Variants in LCORL observed in about 807,000 individuals in gnomAD.
LCORL encodes the protein ligand-dependent nuclear receptor corepressor-like protein.
In LCORL, 41 loss-of-function variants were observed where a neutral mutation model predicts 141.8. The ratio of observed to expected loss-of-function variants is 0.29; its 90% CI spans 0.23 to 0.38. The LOEUF is 0.38. Ranked by LOEUF, LCORL falls within the 10% of genes least tolerant of loss-of-function variation. The probability of loss-of-function intolerance (pLI) is 1.00; values close to 1 mark genes in which losing one functional copy is unlikely to be tolerated. For missense variants in LCORL, 1,759 were observed against 2,035.0 expected, an observed-to-expected ratio of 0.86 and a Z score of 2.61; for synonymous variants, 618 against 694.1, an observed-to-expected ratio of 0.89 and a Z score of 1.72.
chr4:17,938,812 A>C (rs974804651), intron 4 of LCORL, among the ~76,000 whole-genome samples: 1 of 152,112 alleles, frequency 6.6e-6, no homozygotes, highest in Non-Finnish European at 1.5e-5. Context: ...AGGCTCTCTC[A>C]ATCTGTTTCA....
At chr4:17,909,392 A>G (rs1302854636) in intron 4 of LCORL, 47 bp from the exon 5 acceptor site, 1 of 1,335,580 alleles carries the variant, frequency 7.5e-7, no homozygotes, top group Admixed American at 2.4e-5. Context: ...GAGAAAGGCA[A>G]ATCACCAACA....
At chr4:17,931,507 G>A (rs1736033088) in intron 4 of LCORL, among the ~76,000 whole-genome samples, 1 of 151,614 alleles carries the variant, frequency 6.6e-6, no homozygotes, top group Non-Finnish European at 1.5e-5. Context: ...ATTCTTATAT[G>A]TAGTTTTTTT....
chr4:17,843,458 A>T, exon 8 of LCORL: 2 of 1,602,142 alleles, frequency 1.2e-6, no homozygotes, highest in Non-Finnish European at 1.7e-6. Flanking sequence ...CTTTAAGATT[A>T]TGTCCAGTTA....
chr4:17,982,550 C>T (rs1457603655), intron 1 of LCORL, among the ~76,000 whole-genome samples: 1 of 152,142 alleles, frequency 6.6e-6, no homozygotes, highest in Non-Finnish European at 1.5e-5. Context: ...TTTTCATATA[C>T]TTGTTGGCTG....
At chr4:17,903,415 T>C (rs990601158) in intron 5 of LCORL, among the ~76,000 whole-genome samples, 1 of 152,052 alleles carries the variant, frequency 6.6e-6, no homozygotes, top group Non-Finnish European at 1.5e-5. Context: ...ACAGTAATGA[T>C]AAAGGTCTCT....
intron 7 of LCORL, among the ~76,000 whole-genome samples, chr4:17,859,305 T>A (rs73096998): frequency 0.022 from 3,347 of 152,284 alleles, 129 homozygotes; most frequent in African/African-American, 0.076. Context: ...ACTTTTGACT[T>A]ACAGTATTTT....
chr4:18,019,966 T>C (rs1725221745), intron 1 of LCORL, among the ~76,000 whole-genome samples: 1 of 152,238 alleles, frequency 6.6e-6, no homozygotes, highest in African/African-American at 2.4e-5. Flanking sequence ...GGTTTTTTTT[T>C]ACACTTCATA....
chr4:17,845,959 C>A, intron 7 of LCORL, 58 bp from the exon 8 acceptor site: 1 of 1,389,738 alleles, frequency 7.2e-7, no homozygotes. Context: ...TAATTATCAA[C>A]CTTGTAAAAG....
At chr4:17,888,368 T>C (rs1299925728) in intron 5 of LCORL, among the ~76,000 whole-genome samples, 1 of 152,128 alleles carries the variant, frequency 6.6e-6, no homozygotes, top group African/African-American at 2.4e-5. Context: ...ATTTTAAGCT[T>C]AGTCTCCAAC....
At chr4:18,010,997 A>C (rs901900326) in intron 1 of LCORL, among the ~76,000 whole-genome samples, 4 of 152,048 alleles carry the variant, frequency 2.6e-5, no homozygotes, top group Non-Finnish European at 4.4e-5. Context: ...TCTGGATTTG[A>C]GGAAGAGCTC....
chr4:17,872,820 T>A (rs1240955990), intron 7 of LCORL, among the ~76,000 whole-genome samples: 1 of 152,190 alleles, frequency 6.6e-6, no homozygotes, highest in African/African-American at 2.4e-5. Flanking sequence ...ATTGTTGCTC[T>A]ACCACTCTTC....
intron 7 of LCORL, among the ~76,000 whole-genome samples, chr4:17,847,317 G>C (rs186960900): frequency 1.3e-5 from 2 of 152,182 alleles, no homozygotes; most frequent in African/African-American, 4.8e-5. Context: ...ATATTTAAGT[G>C]ACTTGGTAGA....
At chr4:17,873,656 A>T in exon 7 of LCORL, 1 of 1,234,000 alleles carries the variant, frequency 8.1e-7, no homozygotes, top group Non-Finnish European at 1.0e-6. Flanking sequence ...AATTTTGCCT[A>T]GCAGAATGAG....
chr4:17,994,891 C>T (rs924393070), intron 1 of LCORL, among the ~76,000 whole-genome samples: 7 of 152,192 alleles, frequency 4.6e-5, no homozygotes, highest in Middle Eastern at 6.8e-3. Flanking sequence ...GCTATGCTAG[C>T]CCAATGCCTG....
intron 1 of LCORL, among the ~76,000 whole-genome samples, chr4:18,018,157 A>G (rs1294296654): frequency 2.0e-5 from 3 of 152,128 alleles, no homozygotes; most frequent in Non-Finnish European, 4.4e-5. Flanking sequence ...GTTTAAAAAT[A>G]TACAGGTGTA....
At position 17,959,670 on chromosome 4, in the gene LCORL, T is replaced by C. The variant is rs1195232812; in HGVS notation, c.430+2233A>G. On this transcript the variant is annotated intron_variant, in intron 4 of 7. Coordinates refer to ENST00000635767, the Ensembl canonical transcript of LCORL. ...CAATAAATTAGTTACCATAAGGATA[T>C]TAGAAGATTTCTTTGTGTTTTAGCA... Among the ~76,000 whole-genome samples, 10 of 152,138 alleles carry C rather than the reference T, an allele frequency of 6.6e-5. 1 individual carries two copies. In the East Asian group the frequency reaches 1.7e-3, roughly 26 times the overall value.
At chr4:17,987,604 TA>T (rs901882132) in intron 1 of LCORL, among the ~76,000 whole-genome samples, 3 of 152,112 alleles carry the variant, frequency 2.0e-5, no homozygotes, top group Admixed American at 1.3e-4. Flanking sequence ...TATTTAACAT[TA>T]AAAAAAACTG....
At chr4:17,897,852 C>CA (rs1184837387) in intron 5 of LCORL, among the ~76,000 whole-genome samples, 4 of 152,238 alleles carry the variant, frequency 2.6e-5, no homozygotes, top group Admixed American at 6.5e-5. Context: ...ACCTGAAGTC[C>CA]AAAGAGGCCT....
chr4:17,964,925 T>C (rs2251890), intron 2 of LCORL, among the ~76,000 whole-genome samples: 66,119 of 151,192 alleles, frequency 0.44, 16,936 homozygotes, highest in Non-Finnish European at 0.58. Flanking sequence ...AAATAGCTTG[T>C]AGGCTTCGGG....
Sources: gnomAD v4.1 joint callset for allele counts (sites outside exome capture counted in the v4.1 genomes callset) on GRCh38, gnomAD v4.1.1 for gene constraint, MANE v1.5 for transcripts, NCBI Gene and HGNC (gene_info 2026-07-23, HGNC 2026-07-21) for gene names.